The following CTPS1 variants were observed in gnomAD, a reference collection of about 807,000 sequenced individuals.
CTPS1 encodes the protein CTP synthetase 1.
Under a neutral mutation model 80.5 loss-of-function variants are expected in CTPS1, and 25 were observed. The observed-to-expected ratio is 0.31, with a 90% CI of 0.23 to 0.43. CTPS1 has a LOEUF of 0.43. Among genes scored for constraint, CTPS1 ranks in the 20% least tolerant of loss-of-function variants. The pLI, the probability that CTPS1 is intolerant of heterozygous loss-of-function variation, is 1.00. For missense variants in CTPS1, 442 were observed against 725.7 expected (o/e 0.61, Z 4.49); for synonymous variants, 267 against 252.5 (o/e 1.06, Z -0.54).
chr1:40,983,125 A>T, intron 1 of CTPS1, 153 bp from the exon 2 acceptor site: 1 of 585,064 alleles, frequency 1.7e-6, no homozygotes, highest in Non-Finnish European at 3.0e-6. Context: ...GATCCTATTT[A>T]AACCTGACGA....
At chr1:41,006,168 T>TA in intron 13 of CTPS1, 74 bp downstream of exon 13, 1 of 1,282,684 alleles carries the variant, frequency 7.8e-7, no homozygotes, top group Admixed American at 1.7e-5. Flanking sequence ...GATTGATGAT[T>TA]AGAGACAAGA....
Position 40,991,967 on chromosome 1 carries a change from C to T in CTPS1, c.720+122C>T, listed in dbSNP as rs1333025904. On this transcript the variant is annotated intron_variant, in intron 7 of 18. Coordinates refer to ENST00000650070, the MANE Select transcript of CTPS1 (RefSeq NM_001905.4). Reference sequence around the variant, plus strand: ...GAGATAGTGGGCTGTTCCAGAAGAACCCATTGCCATCGGCCATTCCCTGCC... The same window carrying T: ...GAGATAGTGGGCTGTTCCAGAAGAATCCATTGCCATCGGCCATTCCCTGCC... The T allele has an allele frequency of 8.0e-6, 6 of 751,244 alleles. No homozygotes were observed. In the African/African-American group the frequency reaches 8.7e-5, roughly 11 times the overall value. 46.5% of individuals were successfully genotyped at this position (751,244 alleles called of 1,614,324 possible). A position where few individuals can be genotyped will look rare whatever the true frequency, so the allele number is the denominator to read the frequency against.
chr1:41,002,169 G>T lies in CTPS1; in HGVS notation c.1104G>T (p.Leu368=). Residue 368 remains leucine, a synonymous_variant, in exon 11 of 19, where the codon CTG becomes CTT. Coordinates refer to ENST00000650070, the MANE Select transcript of CTPS1 (RefSeq NM_001905.4). ...TTGTTCTTTTGTGCAGTGGAGTGCT[G>T]GTTCCAGGAGGATTTGGTGTTCGAG... ...WQKLCSAHGV[L]VPGGFGVRGT... The T allele has an allele frequency of 6.2e-7, 1 of 1,614,138 alleles. No homozygotes were observed. The highest frequency in any genetic ancestry group is 1.7e-5 in the Admixed American group (1 of 60,018).
intron 13 of CTPS1, among the ~76,000 whole-genome samples, chr1:41,006,491 T>A (rs992949545): frequency 2.6e-5 from 4 of 152,186 alleles, no homozygotes; most frequent in African/African-American, 9.7e-5. Flanking sequence ...ATTCATGGGA[T>A]CCCCAGCCAT....
chr1:40,992,682 ATTT>A (rs67623913), intron 7 of CTPS1, among the ~76,000 whole-genome samples: 13 of 127,870 alleles, frequency 1.0e-4, no homozygotes, highest in Admixed American at 1.6e-4. Flanking sequence ...AAATTGTTCA[ATTT>A]TTTTTTTTTT....
At chr1:40,991,400 T>C (rs1642607806) in intron 6 of CTPS1, 152 bp downstream of exon 6, 2 of 632,042 alleles carry the variant, frequency 3.2e-6, no homozygotes, top group Admixed American at 3.5e-5. Context: ...GGCTGTAGTT[T>C]GCAAGATGTT....
At position 41,001,039 on chromosome 1, in the gene CTPS1, C is replaced by G; in HGVS notation, c.1016C>G (p.Ser339Cys). The change falls in exon 10 of 19, where the codon TCT (serine) becomes TGT (cysteine). Residue 339 changes from serine to cysteine, a missense_variant. Physicochemically the swap from Ser to Cys is moderately radical, Grantham distance 112. Transcript: ENST00000650070. ...CTGAATAACATCCAGTACATAGATT[C>G]TGCGGACTTGGAGCCCATCACCTCG... ...NHKLEIKYID[S>C]ADLEPITSQE... 6.2e-7 allele frequency: 1 copy of G among 1,611,656 alleles called. No homozygotes were observed. Among genetic ancestry groups the G allele is most frequent in the Non-Finnish European group, 8.5e-7 (1 of 1,179,122 alleles).
intron 13 of CTPS1, among the ~76,000 whole-genome samples, 199 bp downstream of exon 13, chr1:41,006,293 C>T (rs887054386): frequency 6.6e-6 from 1 of 152,116 alleles, no homozygotes; most frequent in African/African-American, 2.4e-5. Context: ...CTTTCATTGA[C>T]CACAGAAAGT....
chr1:41,009,362 C>T lies in CTPS1; in HGVS notation c.1547-83C>T, dbSNP rs1471929415. On this transcript the variant is annotated intron_variant, in intron 16 of 18. Coordinates refer to ENST00000650070, the MANE Select transcript of CTPS1 (RefSeq NM_001905.4). ...CAAATTATTTTAGGGCCTATGGAAA[C>T]AAACATTTAAGCAGATTTTGTTCTT... The T allele has an allele frequency of 4.3e-6, 6 of 1,381,936 alleles. No homozygotes were observed. In the South Asian group the frequency reaches 8.7e-5, roughly 20 times the overall value. The allele number at this position is 1,381,936 out of a possible 1,614,324, so 85.6% of individuals were successfully genotyped here.
chr1:41,011,334 G>A (rs1643167249), intron 18 of CTPS1, among the ~76,000 whole-genome samples: 3 of 152,224 alleles, frequency 2.0e-5, no homozygotes, highest in Non-Finnish European at 4.4e-5. Context: ...ACTGTTACCA[G>A]TGAAGGAGGT....
rs540150522 is a variant in CTPS1 at position 41,007,824 on chromosome 1, G to C, written c.1393+279G>C. Among the ~76,000 whole-genome samples, 2 of 152,196 alleles carry C rather than the reference G, an allele frequency of 1.3e-5. No individual in the cohort carries two copies. The highest frequency in any genetic ancestry group is 4.8e-5 in the African/African-American group (2 of 41,514). Reference sequence around the variant, plus strand: ...AGTGAGGTTACATTCATCCTTATCGGTTACTTTCCTATTAAGACCAGCCAT... The same window carrying C: ...AGTGAGGTTACATTCATCCTTATCGCTTACTTTCCTATTAAGACCAGCCAT... On this transcript the variant is annotated intron_variant, in intron 14 of 18. Transcript: ENST00000650070. The surrounding 1 kb of genome is among the most constrained non-coding windows in gnomAD (Gnocchi z 4.4).
chr1:41,001,022 C>T lies in CTPS1; in HGVS notation c.1006-7C>T. The T allele has an allele frequency of 1.9e-6, 3 of 1,599,746 alleles. No homozygotes were observed. The highest frequency in any genetic ancestry group is 2.6e-6 in the Non-Finnish European group (3 of 1,174,556). ...CTGCTTTTCTCCCCTGTCTGAATAA[C>T]ATCCAGTACATAGATTCTGCGGACT... On this transcript the variant is annotated splice_polypyrimidine_tract_variant and splice_region_variant and intron_variant, in intron 9 of 18. Coordinates refer to ENST00000650070, the MANE Select transcript of CTPS1 (RefSeq NM_001905.4).
Position 41,006,035 on chromosome 1 carries a change from TA to T in CTPS1, c.1253-15del. ...CGTTTGTAACTATTTTCATAACAAG[TA>T]TTTTGGTATTTCAGATGCCAATTCT... On this transcript the variant is annotated splice_polypyrimidine_tract_variant and intron_variant, in intron 12 of 18. Coordinates refer to ENST00000650070, the MANE Select transcript of CTPS1 (RefSeq NM_001905.4). 1 of 1,602,108 alleles carries T rather than the reference TA, an allele frequency of 6.2e-7. No individual in the cohort carries two copies. The highest frequency in any genetic ancestry group is 8.6e-7 in the Non-Finnish European group (1 of 1,169,070).
Position 41,007,365 on chromosome 1 carries a change from C to A in CTPS1, c.1297-84C>A. The A allele has an allele frequency of 8.6e-7, 1 of 1,160,658 alleles. No homozygotes were observed. Among genetic ancestry groups the A allele is most frequent in the Non-Finnish European group, 1.3e-6 (1 of 781,212 alleles). The allele number at this position is 1,160,658 out of a possible 1,614,324, so 71.9% of individuals were successfully genotyped here. On this transcript the variant is annotated intron_variant, in intron 13 of 18. Transcript: ENST00000650070. This position sits in a 1 kb window ranked among gnomAD's most constrained non-coding sequence, Gnocchi z 4.4. ...GGAGAATTAGAGCTTACTTACAAGC[C>A]TTTGCCACCCACTCAGCGAGGGAGG...
chr1:41,005,762 G>A (rs923779311), intron 12 of CTPS1, among the ~76,000 whole-genome samples: 1 of 152,068 alleles, frequency 6.6e-6, no homozygotes, highest in Non-Finnish European at 1.5e-5. Context: ...AAATTAGCTG[G>A]ATGTGGTAGT....
At chr1:40,982,085 C>G in intron 1 of CTPS1, 1 of 1,017,604 alleles carries the variant, frequency 9.8e-7, no homozygotes, top group Non-Finnish European at 1.3e-6. Context: ...ACCTCTGAAG[C>G]TGGGGACCAG....
intron 7 of CTPS1, 46 bp downstream of exon 7, chr1:40,991,891 T>A: frequency 1.4e-6 from 2 of 1,434,364 alleles, no homozygotes; most frequent in Non-Finnish European, 2.0e-6. Context: ...TTGCTTCTAA[T>A]TGTCCTAAAG....
At chr1:40,994,112 A>G (rs1642692301) in intron 7 of CTPS1, among the ~76,000 whole-genome samples, 2 of 152,136 alleles carry the variant, frequency 1.3e-5, no homozygotes, top group African/African-American at 4.8e-5. Flanking sequence ...TAGAGCACAG[A>G]CACTTTTAAA....
chr1:40,984,512 A>G (rs1171895654), intron 2 of CTPS1, among the ~76,000 whole-genome samples: 1 of 152,250 alleles, frequency 6.6e-6, no homozygotes, highest in Non-Finnish European at 1.5e-5. Context: ...TAAGCAGCAG[A>G]TGCTGTATAC....
Sources: gnomAD v4.1 joint callset for allele counts (sites outside exome capture counted in the v4.1 genomes callset) on GRCh38, gnomAD v4.1.1 for gene constraint, Gnocchi (gnomAD v3.1) non-coding constraint, MANE v1.5 for transcripts, NCBI Gene and HGNC (gene_info 2026-07-23, HGNC 2026-07-21) for gene names.